Variants in PCCA observed in about 807,000 individuals in gnomAD.
The protein encoded by PCCA is propionyl-CoA carboxylase subunit alpha, also known as propionyl-CoA carboxylase alpha chain, mitochondrial.
PCCA carries 74 observed loss-of-function variants against 101.3 expected under a neutral mutation model. That is an observed-to-expected ratio of 0.73 (90% CI 0.61 to 0.89). PCCA has a LOEUF of 0.89. Among genes scored for constraint, PCCA ranks in the 40% least tolerant of loss-of-function variants. The probability of loss-of-function intolerance (pLI) is 0.00; values close to 1 mark genes in which losing one functional copy is unlikely to be tolerated. For missense variants in PCCA, 891 were observed against 907.0 expected (o/e 0.98, Z 0.23); for synonymous variants, 294 against 313.6 (o/e 0.94, Z 0.66).
intron 21 of PCCA, among the ~76,000 whole-genome samples, chr13:100,457,014 G>A (rs1386165299): frequency 6.6e-6 from 1 of 152,100 alleles, no homozygotes; most frequent in East Asian, 1.9e-4. Flanking sequence ...TGACCAAGGT[G>A]CCCTCATGCG....
At chr13:100,345,821 G>A (rs2072115172) in intron 18 of PCCA, among the ~76,000 whole-genome samples, 1 of 152,072 alleles carries the variant, frequency 6.6e-6, no homozygotes, top group Admixed American at 6.6e-5. Flanking sequence ...AGAAGCCAGT[G>A]CTCATTTACC....
intron 19 of PCCA, among the ~76,000 whole-genome samples, chr13:100,392,354 C>T (rs1345330414): frequency 6.6e-6 from 1 of 152,178 alleles, no homozygotes; most frequent in South Asian, 2.1e-4. Context: ...GCCTTTCATA[C>T]ACCTTAACAA....
At chr13:100,115,612 A>G (rs918263825) in intron 4 of PCCA, among the ~76,000 whole-genome samples, 2 of 152,184 alleles carry the variant, frequency 1.3e-5, no homozygotes, top group Non-Finnish European at 2.9e-5. Flanking sequence ...TTTCAGCTCC[A>G]TTATTGGAGC....
intron 21 of PCCA, among the ~76,000 whole-genome samples, chr13:100,489,549 A>G (rs894689671): frequency 4.6e-5 from 7 of 152,266 alleles, no homozygotes; most frequent in African/African-American, 1.4e-4. Context: ...AATACATGCA[A>G]TTGAACAGCT....
At chr13:100,436,382 T>C (rs1225349305) in intron 20 of PCCA, among the ~76,000 whole-genome samples, 1 of 152,202 alleles carries the variant, frequency 6.6e-6, no homozygotes, top group African/African-American at 2.4e-5. Context: ...TGGAGTGAAG[T>C]TACAAAGTTG....
chr13:100,129,274 T>G (rs2050258407), intron 4 of PCCA, among the ~76,000 whole-genome samples: 1 of 152,248 alleles, frequency 6.6e-6, no homozygotes, highest in Non-Finnish European at 1.5e-5. Context: ...CTAGTGAATC[T>G]TTTAATCTTT....
At position 100,397,567 on chromosome 13, in the gene PCCA, G is replaced by T. The variant is rs573766943; in HGVS notation, c.1747-28066G>T. Among the ~76,000 whole-genome samples the T allele has an allele frequency of 1.8e-3, 269 of 151,840 alleles. 1 individual carries two copies. The highest frequency in any genetic ancestry group is 6.4e-3 in the African/African-American group (266 of 41,416). On this transcript the variant is annotated intron_variant, in intron 19 of 23. Transcript: ENST00000376285. ...TCTATTTTGATTCAGTGTTTTTTTTGAAGGTATTCTTATTTTTAAGAGAGG... is the reference window on the plus strand; with the variant it reads ...TCTATTTTGATTCAGTGTTTTTTTTTAAGGTATTCTTATTTTTAAGAGAGG...
chr13:100,129,614 T>C (rs2050293279), intron 4 of PCCA, among the ~76,000 whole-genome samples: 1 of 152,342 alleles, frequency 6.6e-6, no homozygotes, highest in East Asian at 1.9e-4. Context: ...CCAGGTCTTA[T>C]GGTGATAGTT....
intron 2 of PCCA, among the ~76,000 whole-genome samples, chr13:100,106,632 C>T (rs1227649577): frequency 6.6e-6 from 1 of 152,012 alleles, no homozygotes; most frequent in Non-Finnish European, 1.5e-5. Context: ...CCAGGCTGGT[C>T]TCGAACTCCT....
chr13:100,465,497 C>CTT (rs1276376386), intron 21 of PCCA, among the ~76,000 whole-genome samples: 1 of 152,138 alleles, frequency 6.6e-6, no homozygotes, highest in Non-Finnish European at 1.5e-5. Flanking sequence ...TTTAAGTTTA[C>CTT]TTATCATCTG....
At chr13:100,498,600 C>A (rs1215184188) in intron 21 of PCCA, among the ~76,000 whole-genome samples, 1 of 152,116 alleles carries the variant, frequency 6.6e-6, no homozygotes, top group Non-Finnish European at 1.5e-5. Flanking sequence ...TCTCCAGTTC[C>A]AAGACGATTC....
intron 9 of PCCA, among the ~76,000 whole-genome samples, chr13:100,258,258 C>T (rs1594964637): frequency 6.6e-6 from 1 of 152,258 alleles, no homozygotes; most frequent in Middle Eastern, 3.4e-3. Context: ...AGGTTTCCCT[C>T]CAGTGAACAC....
At chr13:100,194,457 G>A (rs1332685942) in intron 6 of PCCA, among the ~76,000 whole-genome samples, 1 of 152,012 alleles carries the variant, frequency 6.6e-6, no homozygotes, top group East Asian at 1.9e-4. Context: ...TCCCTCTGTC[G>A]CCCAGGCTGG....
chr13:100,422,118 CTT>C (rs773470012), intron 19 of PCCA, among the ~76,000 whole-genome samples: 2 of 51,158 alleles, frequency 3.9e-5, no homozygotes, highest in Non-Finnish European at 8.2e-5. Context: ...TTCTTTCTTT[CTT>C]TTCTTTCTTT....
Position 100,309,923 on chromosome 13 carries a change from T to A in PCCA, c.1429+15T>A. The A allele has an allele frequency of 6.3e-7, 1 of 1,583,566 alleles. No homozygotes were observed. Among genetic ancestry groups the A allele is most frequent in the Non-Finnish European group, 8.7e-7 (1 of 1,152,200 alleles). ...TGTTATTCGAGGTAAAAACAAAGAT[T>A]TGCACTCGTTGGTTATTGTATATGG... On this transcript the variant is annotated intron_variant, in intron 16 of 23. Coordinates refer to ENST00000376285, the MANE Select transcript of PCCA (RefSeq NM_000282.4).
chr13:100,198,808 C>T (rs1159261643), intron 6 of PCCA, among the ~76,000 whole-genome samples: 1 of 152,076 alleles, frequency 6.6e-6, no homozygotes, highest in Non-Finnish European at 1.5e-5. Flanking sequence ...CTGCAGTTGC[C>T]ACATTTAACC....
chr13:100,360,177 T>C (rs952327969), intron 18 of PCCA, among the ~76,000 whole-genome samples: 37 of 150,836 alleles, frequency 2.5e-4, no homozygotes, highest in Admixed American at 1.5e-3. Flanking sequence ...ACCCCCCCCT[T>C]TTTTTTTTCT....
intron 13 of PCCA, among the ~76,000 whole-genome samples, chr13:100,302,279 A>G (rs530170101): frequency 6.6e-6 from 1 of 152,340 alleles, no homozygotes; most frequent in African/African-American, 2.4e-5. Flanking sequence ...GATTAAAAAT[A>G]AATCAGTGTC....
At chr13:100,495,178 A>C (rs183504742) in intron 21 of PCCA, among the ~76,000 whole-genome samples, 68 of 152,252 alleles carry the variant, frequency 4.5e-4, no homozygotes, top group Admixed American at 7.8e-4. Context: ...GACAACTCCA[A>C]AACAAAGATT....
Sources: gnomAD v4.1 joint callset for allele counts (sites outside exome capture counted in the v4.1 genomes callset) on GRCh38, gnomAD v4.1.1 for gene constraint, MANE v1.5 for transcripts, NCBI Gene and HGNC (gene_info 2026-07-23, HGNC 2026-07-21) for gene names.